Variants in FAXC observed in about 807,000 individuals in gnomAD.
The protein encoded by FAXC is failed axon connections homolog, metaxin like GST domain containing, also known as failed axon connections homolog.
Under a neutral mutation model 41.9 loss-of-function variants are expected in FAXC, and 10 were observed. The observed-to-expected ratio is 0.24, with a 90% CI of 0.15 to 0.41. FAXC has a LOEUF of 0.41. Among genes scored for constraint, FAXC ranks in the 10% least tolerant of loss-of-function variants. The pLI, the probability that FAXC is intolerant of heterozygous loss-of-function variation, is 1.00. For synonymous variants in FAXC, 183 were observed against 183.8 expected (o/e 1.00, Z 0.03); for missense variants, 399 against 510.9 (o/e 0.78, Z 2.11).
chr6:99,312,715 G>A (rs1355354883), intron 4 of FAXC, among the ~76,000 whole-genome samples: 1 of 152,092 alleles, frequency 6.6e-6, no homozygotes, highest in Non-Finnish European at 1.5e-5. Context: ...CAATATTTTA[G>A]TATTGAATTC....
rs1489169279 is a variant in FAXC at position 99,272,423 on chromosome 6, C to T, written c.*8741G>A. On this transcript the variant is annotated 3_prime_UTR_variant, in exon 6 of 6. Transcript: ENST00000389677. ...CTCCCAACCTCAGGTGATCTGCCCA[C>T]CTTGGCCTCCCAAAGTCCTGGGATT... 6.6e-6 allele frequency: 1 copy of T among 152,370 alleles called. No individual in the cohort carries two copies. The highest frequency in any genetic ancestry group is 1.5e-5 in the Non-Finnish European group (1 of 68,198). The allele number at this position is 152,370 out of a possible 1,614,324, so 9.4% of individuals were successfully genotyped here. A position where few individuals can be genotyped will look rare whatever the true frequency, so the allele number is the denominator to read the frequency against.
intron 5 of FAXC, among the ~76,000 whole-genome samples, chr6:99,282,295 C>T (rs539606890): frequency 2.6e-5 from 4 of 152,206 alleles, no homozygotes; most frequent in Admixed American, 6.5e-5. Context: ...CACAAATTTT[C>T]GCAGTGTTGC....
chr6:99,280,082 C>T lies in FAXC; in HGVS notation c.*1082G>A, dbSNP rs1294564408. 6.6e-6 allele frequency: 1 copy of T among 152,196 alleles called. No individual in the cohort carries two copies. Among genetic ancestry groups the T allele is most frequent in the Non-Finnish European group, 1.5e-5 (1 of 68,026 alleles). The allele number at this position is 152,196 out of a possible 1,614,324, so 9.4% of individuals were successfully genotyped here. A position where few individuals can be genotyped will look rare whatever the true frequency, so the allele number is the denominator to read the frequency against. On this transcript the variant is annotated 3_prime_UTR_variant, in exon 6 of 6. Coordinates refer to ENST00000389677, the MANE Select transcript of FAXC (RefSeq NM_032511.4). ...ATTTATTCTTCTCAAATAAATCAAA[C>T]ATAGGCAACGTAACACTCTGGAGTC...
At chr6:99,282,253 G>T (rs559040253) in intron 5 of FAXC, among the ~76,000 whole-genome samples, 1 of 152,106 alleles carries the variant, frequency 6.6e-6, no homozygotes, top group Non-Finnish European at 1.5e-5. Context: ...ACTGTTGGTT[G>T]CATTAAGTCA....
intron 4 of FAXC, among the ~76,000 whole-genome samples, chr6:99,305,709 T>C (rs1771891699): frequency 2.1e-5 from 1 of 47,766 alleles, no homozygotes; most frequent in African/African-American, 1.5e-4. Context: ...ATAATACATA[T>C]TATAACATAT....
intron 5 of FAXC, among the ~76,000 whole-genome samples, chr6:99,281,892 C>T (rs1054384939): frequency 1.2e-4 from 19 of 152,210 alleles, no homozygotes; most frequent in Non-Finnish European, 2.2e-4. Flanking sequence ...TTTGCAACAG[C>T]GGCCCAAACT....
chr6:99,339,282 C>G (rs925696674), intron 2 of FAXC, among the ~76,000 whole-genome samples: 2 of 152,206 alleles, frequency 1.3e-5, no homozygotes, highest in Non-Finnish European at 2.9e-5. Flanking sequence ...CCCGGAGCTG[C>G]AGGAGCCATT....
chr6:99,310,031 A>C, intron 4 of FAXC: 1 of 264,230 alleles, frequency 3.8e-6, no homozygotes, highest in South Asian at 1.4e-4. Context: ...TGGCCCGCTC[A>C]CCCATACAAT....
intron 5 of FAXC, among the ~76,000 whole-genome samples, chr6:99,287,861 T>G (rs988807675): frequency 6.6e-6 from 1 of 151,992 alleles, no homozygotes; most frequent in Non-Finnish European, 1.5e-5. Context: ...CTCCAAAGAT[T>G]TAGAAGGGGT....
chr6:99,323,195 C>G (rs1305801646), intron 4 of FAXC, among the ~76,000 whole-genome samples: 1 of 152,192 alleles, frequency 6.6e-6, no homozygotes. Context: ...GGTGGTGAGG[C>G]TGAAGCATGT....
intron 4 of FAXC, among the ~76,000 whole-genome samples, chr6:99,304,530 C>T (rs1309762287): frequency 6.6e-6 from 1 of 152,158 alleles, no homozygotes. Context: ...CAGGAATTAG[C>T]TCATTCCAAA....
In FAXC at chr6:99,275,944, AAAGGTC is replaced by A. The variant is rs1024312908; in HGVS notation, c.*5214_*5219del. 3.9e-5 allele frequency: 6 copies of A among 152,274 alleles called. No homozygotes were observed. The highest frequency in any genetic ancestry group is 1.4e-4 in the African/African-American group (6 of 41,546). The allele number at this position is 152,274 out of a possible 1,614,324, so 9.4% of individuals were successfully genotyped here. On this transcript the variant is annotated 3_prime_UTR_variant, in exon 6 of 6. Transcript: ENST00000389677. ...TCCAGACCACTGGAAGCAACTGAAT[AAAGGTC>A]AAGCACTTCACAATCACATGCAATT...
intron 3 of FAXC, among the ~76,000 whole-genome samples, chr6:99,325,178 C>T (rs2128460462): frequency 6.6e-6 from 1 of 151,112 alleles, no homozygotes; most frequent in Non-Finnish European, 1.5e-5. Flanking sequence ...ATCACAGCTA[C>T]AATGAAATGC....
rs1770444298 is a variant in FAXC, at chr6:99,272,406, C to T, written c.*8758G>A. 6.6e-6 allele frequency: 1 copy of T among 152,258 alleles called. No homozygotes were observed. The highest frequency in any genetic ancestry group is 1.5e-5 in the Non-Finnish European group (1 of 68,158). The allele number at this position is 152,258 out of a possible 1,614,324, so 9.4% of individuals were successfully genotyped here. ...GTCAGGCTGGTCTCAAACTCCCAACCTCAGGTGATCTGCCCACCTTGGCCT... is the reference window on the plus strand; with the variant it reads ...GTCAGGCTGGTCTCAAACTCCCAACTTCAGGTGATCTGCCCACCTTGGCCT... On this transcript the variant is annotated 3_prime_UTR_variant, in exon 6 of 6. Coordinates refer to ENST00000389677, the MANE Select transcript of FAXC (RefSeq NM_032511.4).
At chr6:99,349,022 C>T in intron 1 of FAXC, 85 bp downstream of exon 1, 2 of 1,343,708 alleles carry the variant, frequency 1.5e-6, no homozygotes, top group Non-Finnish European at 2.1e-6. Context: ...GACCGAGGGG[C>T]TGGCACGGGC....
At chr6:99,293,351 C>T (rs1771320297) in intron 4 of FAXC, among the ~76,000 whole-genome samples, 1 of 152,186 alleles carries the variant, frequency 6.6e-6, no homozygotes, top group African/African-American at 2.4e-5. Flanking sequence ...CACCCTCTCT[C>T]TGCCCCCACA....
intron 4 of FAXC, among the ~76,000 whole-genome samples, chr6:99,298,421 G>A (rs1027199123): frequency 5.3e-5 from 8 of 152,114 alleles, no homozygotes; most frequent in Admixed American, 5.2e-4. Flanking sequence ...AGGAGTTTCT[G>A]ATTCAGTAGG....
rs142729031 is a variant in FAXC at position 99,289,242 on chromosome 6, A to G, written c.940+2462T>C. On this transcript the variant is annotated intron_variant, in intron 5 of 5. Transcript: ENST00000389677. ...GGCACTTGCTTAGGTACTGCCTCAAACAGTTCCCATGCAACTATGCAGGGG... is the reference window on the plus strand; with the variant it reads ...GGCACTTGCTTAGGTACTGCCTCAAGCAGTTCCCATGCAACTATGCAGGGG... Among the ~76,000 whole-genome samples, 1,206 of 152,258 alleles carry G rather than the reference A, an allele frequency of 7.9e-3. 12 individuals carry two copies. Among genetic ancestry groups the G allele is most frequent in the African/African-American group, 0.027 (1,117 of 41,544 alleles).
At chr6:99,345,405 C>A (rs1437349254) in intron 1 of FAXC, among the ~76,000 whole-genome samples, 1 of 152,146 alleles carries the variant, frequency 6.6e-6, no homozygotes, top group African/African-American at 2.4e-5. Flanking sequence ...ACTGTCATAT[C>A]CAAGGTTATG....
Sources: gnomAD v4.1 joint callset for allele counts (sites outside exome capture counted in the v4.1 genomes callset) on GRCh38, gnomAD v4.1.1 for gene constraint, MANE v1.5 for transcripts, NCBI Gene and HGNC (gene_info 2026-07-23, HGNC 2026-07-21) for gene names.